The following RORA variants were observed in gnomAD, a reference collection of about 807,000 sequenced individuals.
The protein encoded by RORA is RAR related orphan receptor A, also known as nuclear receptor ROR-alpha.
Under a neutral mutation model 69.5 loss-of-function variants are expected in RORA, and 7 were observed. That is an observed-to-expected ratio of 0.10 (90% CI 0.06 to 0.19). The LOEUF is 0.19. RORA is among the 10% of genes least tolerant of loss of function. RORA has a pLI of 1.00. For synonymous variants in RORA, 261 were observed against 240.8 expected (o/e 1.08, Z -0.78); for missense variants, 457 against 663.0 (o/e 0.69, Z 3.41).
rs957032931 is a variant in RORA, at chr15:60,497,019, A to C, written c.*436T>G. On this transcript the variant is annotated 3_prime_UTR_variant, in exon 11 of 11. Coordinates refer to ENST00000335670, the MANE Select transcript of RORA (RefSeq NM_134261.3). ...AAAATAAAAACTTCCTTCATGAAAC[A>C]AAGAGCTAGTTGTGCAAAGTAATGC... is the stretch of plus-strand genomic sequence containing the variant. The C allele has an allele frequency of 2.6e-5, 4 of 154,504 alleles. No individual in the cohort carries two copies. The highest frequency in any genetic ancestry group is 9.6e-5 in the African/African-American group (4 of 41,618). 9.6% of individuals were successfully genotyped at this position (154,504 alleles called of 1,614,324 possible). A position where few individuals can be genotyped will look rare whatever the true frequency, so the allele number is the denominator to read the frequency against.
intron 1 of RORA, among the ~76,000 whole-genome samples, chr15:60,837,614 C>T (rs750680314): frequency 6.6e-6 from 1 of 152,194 alleles, no homozygotes; most frequent in African/African-American, 2.4e-5. Context: ...CGCACCCACT[C>T]TAAGTCATGT....
intron 1 of RORA, among the ~76,000 whole-genome samples, chr15:60,800,940 C>A (rs966103209): frequency 2.0e-5 from 3 of 152,244 alleles, no homozygotes; most frequent in Non-Finnish European, 4.4e-5. Context: ...CACGTTGAGC[C>A]TGCATTCCCA....
rs1037013900 is a variant in RORA at position 60,908,258 on chromosome 15, T to A, written c.167-229572A>T. Among the ~76,000 whole-genome samples the A allele has an allele frequency of 2.6e-5, 4 of 152,234 alleles. No homozygotes were observed. In the East Asian group the frequency reaches 5.8e-4, roughly 22 times the overall value. ...CGTAGGGTGTGTGTGGAGGGGGCGC[T>A]TTTGGTGTCCAGAGGCACTTGGCAT... On this transcript the variant is annotated intron_variant, in intron 1 of 10. Transcript: ENST00000335670.
chr15:60,896,732 C>CTTT (rs66780614), intron 1 of RORA, among the ~76,000 whole-genome samples: 11,343 of 116,506 alleles, frequency 0.097, 556 homozygotes, highest in Non-Finnish European at 0.14. Context: ...GAGAATTTAG[C>CTTT]TTTTTTTTTT....
At chr15:61,184,673 C>A (rs1315028905) in intron 1 of RORA, among the ~76,000 whole-genome samples, 2 of 152,080 alleles carry the variant, frequency 1.3e-5, no homozygotes, top group African/African-American at 2.4e-5. Context: ...TAAAGGTTTG[C>A]TGAATCAAAG....
intron 1 of RORA, among the ~76,000 whole-genome samples, chr15:60,995,622 AAGACCC>A: frequency 6.6e-6 from 1 of 152,326 alleles, no homozygotes; most frequent in Middle Eastern, 3.4e-3. Flanking sequence ...AGCCCAACTC[AAGACCC>A]CCTCAAAAAT....
At chr15:60,544,716 G>A (rs1218652282) in intron 2 of RORA, 1 of 151,966 alleles carries the variant, frequency 6.6e-6, no homozygotes, top group Non-Finnish European at 1.5e-5. Flanking sequence ...CACTAATTGT[G>A]CCCTTTTGCT....
intron 1 of RORA, among the ~76,000 whole-genome samples, chr15:61,161,780 A>T (rs2079498135): frequency 6.6e-6 from 1 of 152,202 alleles, no homozygotes; most frequent in Admixed American, 6.5e-5. Context: ...CAAATCTATT[A>T]GTCTAAAGAC....
At chr15:61,214,263 C>T (rs898928503) in intron 1 of RORA, 7 of 152,198 alleles carry the variant, frequency 4.6e-5, no homozygotes, top group African/African-American at 1.7e-4. Context: ...TTTTATTAGG[C>T]TGAATATGAT....
At chr15:61,060,532 C>A (rs1484792915) in intron 1 of RORA, among the ~76,000 whole-genome samples, 1 of 152,082 alleles carries the variant, frequency 6.6e-6, no homozygotes, top group African/African-American at 2.4e-5. Context: ...AGTGAGGAGA[C>A]CCCATCCAGG....
intron 1 of RORA, among the ~76,000 whole-genome samples, chr15:60,866,720 T>C (rs991635884): frequency 6.6e-6 from 1 of 152,192 alleles, no homozygotes; most frequent in South Asian, 2.1e-4. Flanking sequence ...GATTCCAGGT[T>C]GCTGAAGACA....
intron 1 of RORA, among the ~76,000 whole-genome samples, chr15:60,901,776 C>T (rs1453181004): frequency 1.3e-5 from 2 of 152,194 alleles, no homozygotes; most frequent in East Asian, 3.9e-4. Flanking sequence ...CACTGATTTT[C>T]ACATGGTCCT....
intron 1 of RORA, among the ~76,000 whole-genome samples, chr15:60,698,186 C>T (rs59558657): frequency 0.055 from 8,299 of 152,174 alleles, 306 homozygotes; most frequent in East Asian, 0.13. Context: ...TTTCCAGGAG[C>T]GTCAGTAGCT....
chr15:61,219,606 C>G (rs945846292), intron 1 of RORA, among the ~76,000 whole-genome samples: 1 of 151,842 alleles, frequency 6.6e-6, no homozygotes, highest in Non-Finnish European at 1.5e-5. Flanking sequence ...CCTCATTATT[C>G]GAACTTTGGA....
intron 10 of RORA, 40 bp from the exon 11 acceptor site, chr15:60,497,659 G>C (rs1171942560): frequency 1.3e-6 from 2 of 1,524,046 alleles, no homozygotes; most frequent in Non-Finnish European, 1.8e-6. Context: ...GGCAAGAACA[G>C]GCATAAGCAT....
intron 1 of RORA, among the ~76,000 whole-genome samples, chr15:60,771,931 C>T (rs1398074438): frequency 1.3e-5 from 2 of 152,176 alleles, no homozygotes; most frequent in African/African-American, 4.8e-5. Flanking sequence ...GAATAAACTT[C>T]TCTAAGTATA....
At chr15:60,929,487 T>C (rs553788717) in intron 1 of RORA, among the ~76,000 whole-genome samples, 128 of 152,344 alleles carry the variant, frequency 8.4e-4, no homozygotes, top group African/African-American at 3.0e-3. Flanking sequence ...CTCCTGGTTC[T>C]GCAAAAGGCG....
chr15:60,716,968 C>A (rs1381024815), intron 1 of RORA, among the ~76,000 whole-genome samples: 2 of 152,170 alleles, frequency 1.3e-5, no homozygotes, highest in African/African-American at 2.4e-5. Context: ...ACTACTTCAG[C>A]AAATTAATTG....
At chr15:61,204,091 T>C (rs1224923196) in intron 1 of RORA, among the ~76,000 whole-genome samples, 1 of 152,228 alleles carries the variant, frequency 6.6e-6, no homozygotes, top group East Asian at 1.9e-4. Context: ...TTCAGGTGAG[T>C]TGTGAGCGCT....
Sources: gnomAD v4.1 joint callset for allele counts (sites outside exome capture counted in the v4.1 genomes callset) on GRCh38, gnomAD v4.1.1 for gene constraint, MANE v1.5 for transcripts, NCBI Gene and HGNC (gene_info 2026-07-23, HGNC 2026-07-21) for gene names.